Variants in GHR observed in about 807,000 individuals in gnomAD.
The protein encoded by GHR is growth hormone receptor, also known as GH receptor.
GHR carries 35 observed loss-of-function variants against 67.1 expected under a neutral mutation model. That is an observed-to-expected ratio of 0.52 (90% CI 0.40 to 0.69). The LOEUF (loss-of-function observed/expected upper bound fraction) is 0.69. Among genes scored for constraint, GHR ranks in the 30% least tolerant of loss-of-function variants. The pLI, the probability that GHR is intolerant of heterozygous loss-of-function variation, is 0.00. For missense variants in GHR, 792 were observed against 764.6 expected (o/e 1.04, Z -0.42); for synonymous variants, 272 against 269.1 (o/e 1.01, Z -0.10).
chr5:42,601,665 A>G (rs1457361069), intron 2 of GHR, among the ~76,000 whole-genome samples: 2 of 152,144 alleles, frequency 1.3e-5, no homozygotes, highest in Non-Finnish European at 2.9e-5. Context: ...CTAATCCTTG[A>G]CAGGACTAAT....
intron 1 of GHR, among the ~76,000 whole-genome samples, chr5:42,494,629 A>T (rs1307720857): frequency 7.2e-5 from 11 of 152,120 alleles, no homozygotes; most frequent in African/African-American, 2.7e-4. Context: ...ATCTCTGTGT[A>T]CCTTCAAGCC....
At chr5:42,495,406 T>C (rs912862292) in intron 1 of GHR, among the ~76,000 whole-genome samples, 2 of 152,256 alleles carry the variant, frequency 1.3e-5, no homozygotes, top group Middle Eastern at 3.4e-3. Context: ...GCTGTTTTTT[T>C]CCACCAGGAT....
intron 3 of GHR, among the ~76,000 whole-genome samples, chr5:42,680,579 C>T (rs918406198): frequency 6.6e-6 from 1 of 151,954 alleles, no homozygotes; most frequent in Non-Finnish European, 1.5e-5. Context: ...TCTCAGCTCA[C>T]TGCAACTTCC....
At chr5:42,610,667 A>G (rs556904183) in intron 2 of GHR, among the ~76,000 whole-genome samples, 22 of 132,402 alleles carry the variant, frequency 1.7e-4, no homozygotes, top group Admixed American at 6.1e-4. Context: ...ATCCCAGTGG[A>G]AAAAAAAAAA....
At chr5:42,610,236 G>A (rs1232814845) in intron 2 of GHR, among the ~76,000 whole-genome samples, 1 of 152,152 alleles carries the variant, frequency 6.6e-6, no homozygotes, top group South Asian at 2.1e-4. Flanking sequence ...TGCAGCTGCT[G>A]GCTCCTCCTT....
At chr5:42,600,918 C>CTTTT (rs933355797) in intron 2 of GHR, among the ~76,000 whole-genome samples, 1,224 of 66,734 alleles carry the variant, frequency 0.018, 16 homozygotes, top group African/African-American at 0.022. Flanking sequence ...TCTTTCTATT[C>CTTTT]TTTTTTTTTT....
chr5:42,469,249 G>A (rs943410888), intron 1 of GHR, among the ~76,000 whole-genome samples: 1 of 152,206 alleles, frequency 6.6e-6, no homozygotes, highest in African/African-American at 2.4e-5. Flanking sequence ...AGCCTAATGG[G>A]AAGTGAGAAA....
intron 1 of GHR, chr5:42,565,476 G>A: frequency 1.0e-6 from 1 of 985,092 alleles, no homozygotes; most frequent in South Asian, 4.7e-5. Context: ...CCAGCTCAAG[G>A]CCCCATGCTT....
intron 1 of GHR, among the ~76,000 whole-genome samples, chr5:42,512,232 G>A (rs1474172330): frequency 6.6e-6 from 1 of 152,122 alleles, no homozygotes; most frequent in Non-Finnish European, 1.5e-5. Context: ...AAAACAATGT[G>A]AGAAAATGGA....
intron 1 of GHR, among the ~76,000 whole-genome samples, chr5:42,450,976 G>A (rs941572249): frequency 7.9e-5 from 12 of 152,124 alleles, no homozygotes; most frequent in East Asian, 1.9e-4. Flanking sequence ...TTTTTATTCC[G>A]CAGTTGTCTG....
Position 42,477,471 on chromosome 5 carries a change from G to A in GHR, c.-12+53516G>A, listed in dbSNP as rs546632473. ...AGGAATCGCCACACTGACTTCCACA[G>A]TGGTTGAACTAGTTTACAGTCCCAC... On this transcript the variant is annotated intron_variant, in intron 1 of 9. Transcript: ENST00000230882. 9.8e-3 allele frequency among the ~76,000 whole-genome samples: 1,491 copies of A among 152,242 alleles called. 28 individuals carry two copies. Among genetic ancestry groups the A allele is most frequent in the African/African-American group, 0.033 (1,380 of 41,532 alleles).
chr5:42,567,767 CTGTGTGTGTGTGTGTGTGTGTG>C lies in GHR; in HGVS notation c.70+1849_70+1870del, dbSNP rs68150223. Among the ~76,000 whole-genome samples, 189 of 140,816 alleles carry C rather than the reference CTGTGTGTGTGTGTGTGTGTGTG, an allele frequency of 1.3e-3. 7 individuals carry two copies. The highest frequency in any genetic ancestry group is 7.6e-4 in the Non-Finnish European group (49 of 64,820). 92.4% of individuals were successfully genotyped at this position (140,816 alleles called of 152,430 possible). A position where few individuals can be genotyped will look rare whatever the true frequency, so the allele number is the denominator to read the frequency against. On this transcript the variant is annotated intron_variant, in intron 2 of 9. Coordinates refer to ENST00000230882, the MANE Select transcript of GHR (RefSeq NM_000163.5). ...CCAGTGTGTGTGTGCATGCTTGGCT[CTGTGTGTGTGTGTGTGTGTGTG>C]TGTGTGTGTGTGTGTGTGTGTGTGT...
At chr5:42,692,091 A>G (rs1253176427) in intron 4 of GHR, among the ~76,000 whole-genome samples, 4 of 152,216 alleles carry the variant, frequency 2.6e-5, no homozygotes, top group Non-Finnish European at 4.4e-5. Context: ...TTCATTTTCT[A>G]TACAAGGTTG....
chr5:42,468,591 C>T, intron 1 of GHR: 2 of 1,011,344 alleles, frequency 2.0e-6, no homozygotes, highest in Non-Finnish European at 1.5e-6. Context: ...TGCGTCTCCT[C>T]TTTCCTGTCA....
chr5:42,507,945 C>A (rs1165525585), intron 1 of GHR, among the ~76,000 whole-genome samples: 1 of 152,174 alleles, frequency 6.6e-6, no homozygotes, highest in Non-Finnish European at 1.5e-5. Flanking sequence ...CTCCTGAGTG[C>A]AGAGCAGAGG....
chr5:42,607,666 G>A lies in GHR; in HGVS notation c.71-21372G>A, dbSNP rs77083709. Among the ~76,000 whole-genome samples the A allele has an allele frequency of 0.012, 1,818 of 152,278 alleles. 65 individuals are homozygous for A. In the East Asian group the frequency reaches 0.12, roughly 10 times the overall value. ...CAGGATAGACAAGAGTGGTCAGGAA[G>A]GCTGCATGGAAGAGAAGGAACTTGA... On this transcript the variant is annotated intron_variant, in intron 2 of 9. Transcript: ENST00000230882.
At chr5:42,648,081 G>C (rs1010930767) in intron 3 of GHR, among the ~76,000 whole-genome samples, 1 of 152,138 alleles carries the variant, frequency 6.6e-6, no homozygotes, top group Non-Finnish European at 1.5e-5. Context: ...GAAGTAAAAA[G>C]AGCGTAGAAA....
intron 3 of GHR, among the ~76,000 whole-genome samples, chr5:42,632,609 C>A (rs949315042): frequency 6.6e-6 from 1 of 152,206 alleles, no homozygotes; most frequent in Admixed American, 6.5e-5. Context: ...CACATGCTAA[C>A]ATGCCTTCCA....
chr5:42,636,209 CAAAAAAAA>C lies in GHR; in HGVS notation c.136+7123_136+7130del, dbSNP rs11373491. Among the ~76,000 whole-genome samples the C allele has an allele frequency of 4.8e-3, 397 of 81,928 alleles. 2 individuals are homozygous for C. Among genetic ancestry groups the C allele is most frequent in the Non-Finnish European group, 6.6e-3 (281 of 42,854 alleles). 53.7% of individuals were successfully genotyped at this position (81,928 alleles called of 152,430 possible). A position where few individuals can be genotyped will look rare whatever the true frequency, so the allele number is the denominator to read the frequency against. ...TGGGCGACAGAGCGAGACCCCGTTT[CAAAAAAAA>C]AAAAAAAAAAAAAAAATTAGAGCCT... On this transcript the variant is annotated intron_variant, in intron 3 of 9. Transcript: ENST00000230882.
Sources: allele counts gnomAD v4.1 joint callset (sites outside exome capture counted in the v4.1 genomes callset), GRCh38; gene constraint gnomAD v4.1.1; transcripts MANE v1.5; gene names NCBI Gene and HGNC (gene_info 2026-07-23, HGNC 2026-07-21).